The following BMP3 variants were observed in gnomAD, a reference collection of about 807,000 sequenced individuals.
BMP3 encodes bone morphogenetic protein 3.
BMP3 carries 23 observed loss-of-function variants against 38.1 expected under a neutral mutation model. The ratio of observed to expected loss-of-function variants is 0.60; its 90% CI spans 0.43 to 0.86. The LOEUF is 0.86. Among genes scored for constraint, BMP3 ranks in the 40% least tolerant of loss-of-function variants. BMP3 has a pLI of 0.00. For synonymous variants in BMP3, 258 were observed against 225.7 expected, an observed-to-expected ratio of 1.14 and a Z score of -1.28; for missense variants, 628 against 579.6, an observed-to-expected ratio of 1.08 and a Z score of -0.86.
chr4:81,053,446 C>T lies in BMP3; in HGVS notation c.1329C>T (p.Ser443=), dbSNP rs780126079. 1.5e-5 allele frequency: 24 copies of T among 1,610,780 alleles called. No homozygotes were observed. The highest frequency in any genetic ancestry group is 2.0e-5 in the Non-Finnish European group (24 of 1,178,366). The change falls in exon 3 of 3, where the codon TCC becomes TCT. Residue 443 remains serine (S), a synonymous_variant. Coordinates refer to ENST00000282701, the MANE Select transcript of BMP3 (RefSeq NM_001201.5). The stretch of plus-strand genomic sequence containing the variant: ...CTTGCTGTGTACCAGAAAAGATGTC[C>T]TCACTCAGTATTTTATTCTTTGATG... ...PEPCCVPEKM[S]SLSILFFDEN...
Position 81,053,204 on chromosome 4 carries a change from G to A in BMP3, c.1228-141G>A, listed in dbSNP as rs887642490. On this transcript the variant is annotated intron_variant, in intron 2 of 2. Coordinates refer to ENST00000282701, the MANE Select transcript of BMP3 (RefSeq NM_001201.5). ...TTGGTAGTGGTGGGATAGGCGATTGGGCTTAATGTATAATGATGCCAGAGG... is the reference window on the plus strand; with the variant it reads ...TTGGTAGTGGTGGGATAGGCGATTGAGCTTAATGTATAATGATGCCAGAGG... The A allele has an allele frequency of 5.6e-6, 3 of 532,546 alleles. No individual in the cohort carries two copies. In the East Asian group the frequency reaches 1.0e-4, roughly 18 times the overall value. The allele number at this position is 532,546 out of a possible 1,614,324, so 33.0% of individuals were successfully genotyped here.
intron 1 of BMP3, among the ~76,000 whole-genome samples, chr4:81,038,852 A>G (rs1401970215): frequency 6.6e-6 from 1 of 152,226 alleles, no homozygotes; most frequent in Admixed American, 6.5e-5. Context: ...TCTATAGAAC[A>G]TAGGTCTGCC....
intron 1 of BMP3, among the ~76,000 whole-genome samples, chr4:81,032,122 C>T (rs1739789586): frequency 6.7e-6 from 1 of 149,972 alleles, no homozygotes; most frequent in African/African-American, 2.5e-5. Context: ...CCAGATATTG[C>T]ACCCGCTCCT....
At chr4:81,045,259 T>C (rs1480879206) in intron 1 of BMP3, among the ~76,000 whole-genome samples, 3 of 152,202 alleles carry the variant, frequency 2.0e-5, no homozygotes, top group Admixed American at 1.3e-4. Flanking sequence ...TATATCTTCT[T>C]TGAAGAAATG....
At chr4:81,048,640 G>A (rs1203693051) in intron 2 of BMP3, among the ~76,000 whole-genome samples, 1 of 152,132 alleles carries the variant, frequency 6.6e-6, no homozygotes, top group Admixed American at 6.6e-5. Context: ...CTTCAGAAGA[G>A]CTCCATCATG....
chr4:81,047,596 C>G (rs1330849016), intron 2 of BMP3, among the ~76,000 whole-genome samples: 1 of 149,356 alleles, frequency 6.7e-6, no homozygotes, highest in African/African-American at 2.5e-5. Context: ...AGGAAGAATA[C>G]AGTTTTTTCT....
In BMP3 at chr4:81,046,290, C is replaced by T. The variant is rs772479539; in HGVS notation, c.869C>T (p.Ser290Phe). ...TCCATTGAGCGGAGGAAGAAGCGCT[C>T]TACTGGGGTCTTGCTGCCTCTGCAG... ...ALSIERRKKRSTGVLLPLQNN... is the reference protein window; with the variant it reads ...ALSIERRKKRFTGVLLPLQNN... The change falls in exon 2 of 3, where the codon TCT (serine) becomes TTT (phenylalanine). Residue 290 changes from serine to phenylalanine, a missense_variant. By Grantham distance (155) the Ser-to-Phe change is radical. Transcript: ENST00000282701. 1 of 1,614,034 alleles carries T rather than the reference C, an allele frequency of 6.2e-7. No homozygotes were observed. Among genetic ancestry groups the T allele is most frequent in the South Asian group, 1.1e-5 (1 of 91,084 alleles).
intron 1 of BMP3, 135 bp downstream of exon 1, chr4:81,031,735 C>T (rs2109899609): frequency 1.8e-6 from 2 of 1,104,706 alleles, no homozygotes; most frequent in Non-Finnish European, 2.5e-6. Context: ...CAGCTGCCCT[C>T]TGGATTCCTC....
intron 1 of BMP3, 55 bp from the exon 2 acceptor site, chr4:81,045,683 A>G: frequency 1.5e-6 from 2 of 1,372,004 alleles, no homozygotes; most frequent in Non-Finnish European, 9.9e-7. Flanking sequence ...ATTGTCATAT[A>G]GTGAAGTAAT....
chr4:81,043,127 A>G (rs1471193928), intron 1 of BMP3, among the ~76,000 whole-genome samples: 1 of 152,242 alleles, frequency 6.6e-6, no homozygotes, highest in African/African-American at 2.4e-5. Flanking sequence ...TTACTGAAAC[A>G]TGTTTTTGAT....
chr4:81,043,590 A>ATTTTT (rs3038534), intron 1 of BMP3, among the ~76,000 whole-genome samples: 19,074 of 130,604 alleles, frequency 0.15, 2,211 homozygotes, highest in African/African-American at 0.26. Context: ...GCATACTACA[A>ATTTTT]TTTTTTTTTT....
At chr4:81,043,033 A>G (rs1204783351) in intron 1 of BMP3, among the ~76,000 whole-genome samples, 1 of 152,220 alleles carries the variant, frequency 6.6e-6, no homozygotes, top group Non-Finnish European at 1.5e-5. Flanking sequence ...TGAATAGAAT[A>G]TGTTTCCCAT....
chr4:81,053,252 ATTCAT>A lies in BMP3; in HGVS notation c.1228-91_1228-87del, dbSNP rs540064676. 2.0e-4 allele frequency: 195 copies of A among 956,582 alleles called. 1 individual carries two copies. The African/African-American group carries it at 3.1e-3, about 15-fold the overall frequency. 59.3% of individuals were successfully genotyped at this position (956,582 alleles called of 1,614,324 possible). On this transcript the variant is annotated intron_variant, in intron 2 of 2. Transcript: ENST00000282701. ...AGGTTTTATTAAATTGTTGAAACAA[ATTCAT>A]TAGATAAGCATTTTGTGTAATGAGG...
chr4:81,051,825 A>G (rs999933320), intron 2 of BMP3, among the ~76,000 whole-genome samples: 3 of 152,142 alleles, frequency 2.0e-5, no homozygotes, highest in Middle Eastern at 3.2e-3. Flanking sequence ...TTTTTAACAT[A>G]TACTGAAAAT....
At chr4:81,045,684 G>C in intron 1 of BMP3, 54 bp from the exon 2 acceptor site, 1 of 1,376,774 alleles carries the variant, frequency 7.3e-7, no homozygotes, top group Admixed American at 2.3e-5. Context: ...TTGTCATATA[G>C]TGAAGTAATG....
intron 1 of BMP3, chr4:81,037,429 G>A: frequency 4.7e-6 from 1 of 212,570 alleles, no homozygotes; most frequent in Admixed American, 5.4e-5. Context: ...TCCATGGTTG[G>A]CTGAACCGCT....
intron 1 of BMP3, among the ~76,000 whole-genome samples, chr4:81,037,669 A>G (rs1225505119): frequency 6.6e-6 from 1 of 152,174 alleles, no homozygotes; most frequent in Non-Finnish European, 1.5e-5. Context: ...ACATATCTCA[A>G]ATGTTGATAA....
At chr4:81,051,891 A>G (rs1455658285) in intron 2 of BMP3, among the ~76,000 whole-genome samples, 1 of 152,162 alleles carries the variant, frequency 6.6e-6, no homozygotes, top group East Asian at 1.9e-4. Context: ...TTATTTAGTT[A>G]CTTATGCCTA....
chr4:81,044,317 G>A (rs967966204), intron 1 of BMP3, among the ~76,000 whole-genome samples: 1 of 152,144 alleles, frequency 6.6e-6, no homozygotes, highest in Non-Finnish European at 1.5e-5. Context: ...TGGTGCTTCA[G>A]TAAAGGAAAG....
Sources: allele counts gnomAD v4.1 joint callset (sites outside exome capture counted in the v4.1 genomes callset), GRCh38; gene constraint gnomAD v4.1.1; transcripts MANE v1.5; gene names NCBI Gene and HGNC (gene_info 2026-07-23, HGNC 2026-07-21).